The following SGMS1 variants were observed in gnomAD, a reference collection of about 807,000 sequenced individuals.
SGMS1 encodes sphingomyelin synthase 1.
A neutral mutation model predicts 46.2 loss-of-function variants in SGMS1; 13 were observed. The ratio of observed to expected loss-of-function variants is 0.28; its 90% CI spans 0.18 to 0.45. The LOEUF is 0.45. SGMS1 is among the 20% of genes least tolerant of loss of function. SGMS1 has a pLI of 1.00. For synonymous variants in SGMS1, 203 were observed against 187.8 expected (o/e 1.08, Z -0.66); for missense variants, 324 against 519.9 (o/e 0.62, Z 3.66).
chr10:50,372,371 T>G (rs1848450153), intron 6 of SGMS1, among the ~76,000 whole-genome samples: 1 of 152,186 alleles, frequency 6.6e-6, no homozygotes, highest in African/African-American at 2.4e-5. Context: ...AGAAAATTAA[T>G]TTTTAAAAAT....
intron 8 of SGMS1, among the ~76,000 whole-genome samples, chr10:50,318,968 G>A (rs926203137): frequency 3.3e-5 from 5 of 151,970 alleles, no homozygotes; most frequent in African/African-American, 7.3e-5. Context: ...GTCTCTAACC[G>A]GAAGACTTAT....
At chr10:50,318,638 T>C (rs139585630) in intron 8 of SGMS1, among the ~76,000 whole-genome samples, 68 of 152,296 alleles carry the variant, frequency 4.5e-4, no homozygotes, top group African/African-American at 1.4e-3. Context: ...TCTATACATA[T>C]AGTAATCACT....
intron 1 of SGMS1, among the ~76,000 whole-genome samples, chr10:50,608,727 T>C (rs950673794): frequency 5.9e-5 from 9 of 152,182 alleles, no homozygotes; most frequent in African/African-American, 1.9e-4. Flanking sequence ...ACTATACAGG[T>C]GGCAAAATTG....
chr10:50,448,472 C>T (rs888671519), intron 5 of SGMS1, among the ~76,000 whole-genome samples: 9 of 152,144 alleles, frequency 5.9e-5, no homozygotes, highest in African/African-American at 1.7e-4. Context: ...AGGCCAGGCA[C>T]GGTGACTCAC....
At chr10:50,531,988 T>C (rs1322420777) in intron 2 of SGMS1, among the ~76,000 whole-genome samples, 1 of 152,204 alleles carries the variant, frequency 6.6e-6, no homozygotes, top group East Asian at 1.9e-4. Flanking sequence ...CTGAATTATT[T>C]ACATTCATAT....
chr10:50,343,446 T>G (rs1305863908), intron 7 of SGMS1, 46 bp downstream of exon 7: 9 of 1,512,500 alleles, frequency 6.0e-6, no homozygotes, highest in Non-Finnish European at 7.9e-6. Flanking sequence ...ATGTTTGGAG[T>G]GCAAATCCCA....
chr10:50,376,000 G>A (rs1848516903), intron 6 of SGMS1, among the ~76,000 whole-genome samples: 1 of 152,024 alleles, frequency 6.6e-6, no homozygotes, highest in Non-Finnish European at 1.5e-5. Context: ...GCCGGCATTT[G>A]TTTATTTTTA....
intron 2 of SGMS1, among the ~76,000 whole-genome samples, chr10:50,573,758 T>C (rs972230288): frequency 6.6e-5 from 10 of 152,146 alleles, no homozygotes; most frequent in Admixed American, 1.3e-4. Flanking sequence ...ATATCACACT[T>C]CCTGATCTCA....
At chr10:50,424,975 G>T (rs1564909937) in intron 6 of SGMS1, among the ~76,000 whole-genome samples, 1 of 149,318 alleles carries the variant, frequency 6.7e-6, no homozygotes, top group Non-Finnish European at 1.5e-5. Context: ...CAAAAAAAAT[G>T]ATCAGCCATC....
intron 3 of SGMS1, among the ~76,000 whole-genome samples, chr10:50,507,461 C>T (rs954492443): frequency 7.9e-5 from 12 of 152,078 alleles, no homozygotes; most frequent in Non-Finnish European, 1.6e-4. Flanking sequence ...AAAATACAGG[C>T]GGCTTGGACA....
chr10:50,430,925 A>ATGCAT (rs1826737279), intron 6 of SGMS1, among the ~76,000 whole-genome samples: 1 of 152,162 alleles, frequency 6.6e-6, no homozygotes, highest in Non-Finnish European at 1.5e-5. Context: ...GAGTTTGTTG[A>ATGCAT]TATGAACATA....
intron 7 of SGMS1, among the ~76,000 whole-genome samples, chr10:50,327,861 A>G (rs575894656): frequency 3.2e-4 from 49 of 152,310 alleles, no homozygotes; most frequent in Middle Eastern, 3.4e-3. Flanking sequence ...ACAGCATTCA[A>G]TCTCATCCCA....
At chr10:50,381,529 G>A (rs1406365536) in intron 6 of SGMS1, among the ~76,000 whole-genome samples, 1 of 152,132 alleles carries the variant, frequency 6.6e-6, no homozygotes, top group Non-Finnish European at 1.5e-5. Flanking sequence ...AGATCCAATT[G>A]CTTTTGGCCT....
At chr10:50,552,496 A>G (rs1262940369) in intron 2 of SGMS1, among the ~76,000 whole-genome samples, 1 of 152,204 alleles carries the variant, frequency 6.6e-6, no homozygotes, top group Non-Finnish European at 1.5e-5. Context: ...GTGCATTGGG[A>G]ATCTCCTTAA....
At chr10:50,533,763 CAG>C (rs1837975693) in intron 2 of SGMS1, among the ~76,000 whole-genome samples, 1 of 151,690 alleles carries the variant, frequency 6.6e-6, no homozygotes. Flanking sequence ...TAGGAAAAAA[CAG>C]ATAAAAATAT....
At chr10:50,328,975 A>G (rs1220292645) in intron 7 of SGMS1, among the ~76,000 whole-genome samples, 1 of 152,234 alleles carries the variant, frequency 6.6e-6, no homozygotes, top group African/African-American at 2.4e-5. Context: ...ATCCTGCTAA[A>G]GTGAACAGAA....
chr10:50,487,392 T>C (rs906021887), intron 3 of SGMS1, among the ~76,000 whole-genome samples: 1 of 152,158 alleles, frequency 6.6e-6, no homozygotes, highest in African/African-American at 2.4e-5. Flanking sequence ...CTGGGCTTAA[T>C]ACCTAGGTGA....
chr10:50,572,263 C>T (rs1838342711), intron 2 of SGMS1, among the ~76,000 whole-genome samples: 1 of 152,152 alleles, frequency 6.6e-6, no homozygotes, highest in Non-Finnish European at 1.5e-5. Flanking sequence ...TACAAGGTAA[C>T]CCAAACACCA....
intron 5 of SGMS1, among the ~76,000 whole-genome samples, chr10:50,448,754 A>AT (rs201783613): frequency 0.016 from 2,218 of 137,280 alleles, 36 homozygotes; most frequent in Middle Eastern, 0.06. Flanking sequence ...AAAAAAAAAA[A>AT]AAAAAAAGAA....
Sources: allele counts gnomAD v4.1 joint callset (sites outside exome capture counted in the v4.1 genomes callset), GRCh38; gene constraint gnomAD v4.1.1; transcripts MANE v1.5; gene names NCBI Gene and HGNC (gene_info 2026-07-23, HGNC 2026-07-21).